Variants in DACH2 observed in about 807,000 individuals in gnomAD.
The protein encoded by DACH2 is dachshund homolog 2.
DACH2 carries 17 observed loss-of-function variants against 35.8 expected under a neutral mutation model. The observed-to-expected ratio is 0.48, with a 90% CI of 0.33 to 0.71. The LOEUF is 0.71. DACH2 is among the 30% of genes least tolerant of loss of function. The pLI is 0.02. For missense variants in DACH2, 469 were observed against 472.7 expected, an observed-to-expected ratio of 0.99 and a Z score of 0.07; for synonymous variants, 195 against 177.3, an observed-to-expected ratio of 1.10 and a Z score of -0.79.
intron 2 of DACH2, among the ~76,000 whole-genome samples, chrX:86,379,920 A>G (rs2036021637): frequency 1.8e-5 from 2 of 110,838 alleles, no homozygotes; most frequent in Admixed American, 1.9e-4. Context: ...GGGATGCAAT[A>G]TGTTTAAATA....
rs182526045 is a variant in DACH2, at chrX:86,585,919, G to A, written c.641-65117G>A. ...GGTAGAATGATTTATATTCCTTTGAGTATATACCCAATAGTGGAATTGCTA... is the reference window on the plus strand; with the variant it reads ...GGTAGAATGATTTATATTCCTTTGAATATATACCCAATAGTGGAATTGCTA... On this transcript the variant is annotated intron_variant, in intron 3 of 11. Transcript: ENST00000373125. Among the ~76,000 whole-genome samples, 232 of 111,336 alleles carry A rather than the reference G, an allele frequency of 2.1e-3. 1 individual carries two copies. The highest frequency in any genetic ancestry group is 3.4e-3 in the Non-Finnish European group (180 of 52,845).
chrX:86,412,319 C>T (rs1602492033), intron 2 of DACH2, among the ~76,000 whole-genome samples: 1 of 111,402 alleles, frequency 9.0e-6, no homozygotes, highest in Non-Finnish European at 1.9e-5. Flanking sequence ...GCCACTTCTA[C>T]TTCCACCCCT....
chrX:86,638,831 C>T (rs7055227), intron 3 of DACH2, among the ~76,000 whole-genome samples: 13,964 of 111,377 alleles, frequency 0.13, 761 homozygotes, highest in East Asian at 0.33. Context: ...TTAGTACGAT[C>T]TATATGGAAA....
At chrX:86,582,076 A>C (rs566189689) in intron 3 of DACH2, among the ~76,000 whole-genome samples, 2 of 112,079 alleles carry the variant, frequency 1.8e-5, no homozygotes, top group African/African-American at 3.2e-5. Flanking sequence ...AAAACATATT[A>C]CATTACATTG....
At chrX:86,830,467 T>G (rs1053866211) in intron 11 of DACH2, 12 of 111,887 alleles carry the variant, frequency 1.1e-4, no homozygotes, top group African/African-American at 3.9e-4. Flanking sequence ...AGTTTTTCTT[T>G]CAATTTTTGA....
At chrX:86,359,442 A>G (rs1358802475) in intron 1 of DACH2, among the ~76,000 whole-genome samples, 1 of 111,379 alleles carries the variant, frequency 9.0e-6, no homozygotes, top group Non-Finnish European at 1.9e-5. Flanking sequence ...CTAAGCTTGT[A>G]TAGTCACATA....
At chrX:86,773,034 G>A (rs2042001253) in intron 7 of DACH2, among the ~76,000 whole-genome samples, 1 of 111,611 alleles carries the variant, frequency 9.0e-6, no homozygotes, top group African/African-American at 3.2e-5. Flanking sequence ...TCTGACTGAG[G>A]AAACTAAAAT....
chrX:86,216,124 A>G (rs950830738), intron 1 of DACH2, among the ~76,000 whole-genome samples: 1 of 112,315 alleles, frequency 8.9e-6, no homozygotes, highest in Non-Finnish European at 1.9e-5. Context: ...CAAATTTGAT[A>G]CAATATTTAA....
intron 4 of DACH2, among the ~76,000 whole-genome samples, chrX:86,683,220 A>G (rs1468577151): frequency 9.0e-6 from 1 of 110,915 alleles, no homozygotes; most frequent in Non-Finnish European, 1.9e-5. Context: ...ATTTCTACCA[A>G]CTTTCTCCTC....
At chrX:86,223,498 C>T (rs954850978) in intron 1 of DACH2, among the ~76,000 whole-genome samples, 3 of 111,371 alleles carry the variant, frequency 2.7e-5, no homozygotes, top group African/African-American at 9.8e-5. Flanking sequence ...ATTTTTGTGC[C>T]TATAAGTAAT....
intron 7 of DACH2, among the ~76,000 whole-genome samples, chrX:86,756,873 A>T (rs2041834714): frequency 1.8e-5 from 2 of 111,595 alleles, no homozygotes; most frequent in Admixed American, 1.9e-4. Flanking sequence ...TGGGTTTGTC[A>T]TATATGACCT....
intron 1 of DACH2, among the ~76,000 whole-genome samples, chrX:86,228,340 A>T (rs2032871598): frequency 9.0e-6 from 1 of 110,603 alleles, no homozygotes; most frequent in African/African-American, 3.3e-5. Flanking sequence ...TCGTTGATTG[A>T]AGGGCATTTT....
At chrX:86,793,156 T>C (rs1055631432) in intron 7 of DACH2, among the ~76,000 whole-genome samples, 1 of 111,468 alleles carries the variant, frequency 9.0e-6, no homozygotes, top group African/African-American at 3.3e-5. Flanking sequence ...GCCATTTGTA[T>C]GTCTTCTTTT....
intron 11 of DACH2, among the ~76,000 whole-genome samples, chrX:86,819,187 C>T (rs906020306): frequency 3.7e-5 from 4 of 109,223 alleles, no homozygotes; most frequent in Non-Finnish European, 7.6e-5. Flanking sequence ...TTTATATTTT[C>T]GGAGTCTACC....
chrX:86,615,233 C>T (rs999000223), intron 3 of DACH2, among the ~76,000 whole-genome samples: 2 of 111,806 alleles, frequency 1.8e-5, no homozygotes, highest in Admixed American at 9.5e-5. Context: ...ACATTTCAAG[C>T]ATTTCTGGGA....
At chrX:86,221,222 G>A (rs182611072) in intron 1 of DACH2, among the ~76,000 whole-genome samples, 42 of 111,395 alleles carry the variant, frequency 3.8e-4, no homozygotes, top group African/African-American at 1.3e-3. Context: ...AATCCATTTT[G>A]ATTTGATTTT....
intron 1 of DACH2, among the ~76,000 whole-genome samples, chrX:86,163,237 C>T (rs2030828270): frequency 9.1e-6 from 1 of 110,408 alleles, no homozygotes; most frequent in Non-Finnish European, 1.9e-5. Flanking sequence ...CTTCTACTTT[C>T]TGTGTTTATT....
At chrX:86,272,468 A>G (rs1001601885) in intron 1 of DACH2, among the ~76,000 whole-genome samples, 1 of 111,559 alleles carries the variant, frequency 9.0e-6, no homozygotes, top group Non-Finnish European at 1.9e-5. Context: ...AGCAGCAGCA[A>G]CAACAATGAG....
chrX:86,251,043 G>C (rs1222920939), intron 1 of DACH2, among the ~76,000 whole-genome samples: 2 of 111,243 alleles, frequency 1.8e-5, no homozygotes, highest in African/African-American at 3.3e-5. Context: ...TAGGTATCCT[G>C]ACCCCTAACT....
Sources: allele counts gnomAD v4.1 joint callset (sites outside exome capture counted in the v4.1 genomes callset), GRCh38; gene constraint gnomAD v4.1.1; transcripts MANE v1.5; gene names NCBI Gene and HGNC (gene_info 2026-07-23, HGNC 2026-07-21).